Variants in EDIL3 observed in about 807,000 individuals in gnomAD.
EDIL3 encodes the protein EGF-like repeat and discoidin I-like domain-containing protein 3.
A neutral mutation model predicts 67.4 loss-of-function variants in EDIL3; 37 were observed. The observed-to-expected ratio is 0.55, with a 90% CI of 0.42 to 0.72. EDIL3 has a LOEUF of 0.72. EDIL3 is among the 30% of genes least tolerant of loss of function. EDIL3 has a pLI of 0.00. For synonymous variants in EDIL3, 195 were observed against 196.3 expected (o/e 0.99, Z 0.05); for missense variants, 527 against 586.3 (o/e 0.90, Z 1.04).
At chr5:84,070,606 AGTGTGT>A (rs35930293) in intron 6 of EDIL3, among the ~76,000 whole-genome samples, 9,462 of 144,696 alleles carry the variant, frequency 0.065, 611 homozygotes, top group East Asian at 0.37. Context: ...TATGGTTAAG[AGTGTGT>A]GTGTGTGTGT....
chr5:84,232,771 G>A (rs1213327587), intron 2 of EDIL3, among the ~76,000 whole-genome samples: 1 of 152,088 alleles, frequency 6.6e-6, no homozygotes, highest in Admixed American at 6.6e-5. Flanking sequence ...GTTACTATTG[G>A]TAATAATCCA....
chr5:84,009,474 A>G (rs1745481231), intron 9 of EDIL3, among the ~76,000 whole-genome samples: 1 of 152,172 alleles, frequency 6.6e-6, no homozygotes, highest in Non-Finnish European at 1.5e-5. Flanking sequence ...AATAACAAAT[A>G]TGTTTAACAT....
intron 4 of EDIL3, among the ~76,000 whole-genome samples, chr5:84,147,607 G>A (rs1389479925): frequency 6.6e-6 from 1 of 151,930 alleles, no homozygotes; most frequent in East Asian, 1.9e-4. Flanking sequence ...GAGTGGAAAG[G>A]CTTAACACCA....
At chr5:84,190,579 GTATATATATATATA>G (rs138685119) in intron 3 of EDIL3, among the ~76,000 whole-genome samples, 1,598 of 122,044 alleles carry the variant, frequency 0.013, 38 homozygotes, top group East Asian at 0.089. Flanking sequence ...GTGTGTGTGT[GTATATATATATATA>G]TATATATATA....
chr5:84,316,390 G>A (rs968299491), intron 1 of EDIL3, among the ~76,000 whole-genome samples: 4 of 152,028 alleles, frequency 2.6e-5, no homozygotes, highest in Admixed American at 2.6e-4. Flanking sequence ...GACACATATA[G>A]GCTCAAAATT....
At chr5:84,156,146 C>T (rs1212225995) in intron 4 of EDIL3, among the ~76,000 whole-genome samples, 1 of 152,112 alleles carries the variant, frequency 6.6e-6, no homozygotes, top group Non-Finnish European at 1.5e-5. Flanking sequence ...CCAAGTTTTC[C>T]CCTAGTAAAC....
intron 3 of EDIL3, among the ~76,000 whole-genome samples, chr5:84,190,984 T>C (rs1272360405): frequency 6.6e-6 from 1 of 152,010 alleles, no homozygotes; most frequent in Non-Finnish European, 1.5e-5. Flanking sequence ...AATGTCAGCA[T>C]ATAACCCAAA....
intron 1 of EDIL3, among the ~76,000 whole-genome samples, chr5:84,283,497 C>G (rs1204894599): frequency 6.6e-6 from 1 of 152,058 alleles, no homozygotes; most frequent in Non-Finnish European, 1.5e-5. Context: ...CCTTCAGAGG[C>G]CATTTTAAAT....
intron 9 of EDIL3, among the ~76,000 whole-genome samples, chr5:83,974,632 C>A (rs999569850): frequency 1.3e-5 from 2 of 151,958 alleles, no homozygotes; most frequent in African/African-American, 4.8e-5. Flanking sequence ...TCTGGCAGGG[C>A]TATCTAGTTC....
chr5:84,310,941 G>T (rs1746374216), intron 1 of EDIL3, among the ~76,000 whole-genome samples: 1 of 151,682 alleles, frequency 6.6e-6, no homozygotes, highest in Middle Eastern at 3.4e-3. Flanking sequence ...GGTCACTTTT[G>T]CCTGCTCCTG....
At chr5:84,278,301 T>C (rs1056422052) in intron 1 of EDIL3, among the ~76,000 whole-genome samples, 1 of 152,184 alleles carries the variant, frequency 6.6e-6, no homozygotes, top group African/African-American at 2.4e-5. Context: ...CCAAATTACG[T>C]CATCTGTAAC....
intron 1 of EDIL3, among the ~76,000 whole-genome samples, chr5:84,378,592 T>C (rs1339349339): frequency 6.6e-6 from 1 of 152,224 alleles, no homozygotes; most frequent in Admixed American, 6.5e-5. Flanking sequence ...AGCTTTTCTA[T>C]GATACATGAT....
chr5:84,137,184 TACACACACACAC>T (rs70975542), intron 5 of EDIL3, 45 bp downstream of exon 5: 47 of 901,752 alleles, frequency 5.2e-5, no homozygotes, highest in East Asian at 2.9e-4. Flanking sequence ...TGTGTATACA[TACACACACACAC>T]ACACACACAC....
At chr5:84,256,274 A>T (rs1306027203) in intron 1 of EDIL3, among the ~76,000 whole-genome samples, 2 of 152,096 alleles carry the variant, frequency 1.3e-5, no homozygotes, top group African/African-American at 2.4e-5. Context: ...GCAGGCACTG[A>T]GGTAAGTGCT....
chr5:84,089,399 A>C (rs1303504770), intron 6 of EDIL3, among the ~76,000 whole-genome samples: 7 of 152,216 alleles, frequency 4.6e-5, no homozygotes, highest in Non-Finnish European at 7.3e-5. Context: ...AAGCTCTCTT[A>C]GTATTTCATC....
At chr5:84,338,855 T>G (rs918383530) in intron 1 of EDIL3, among the ~76,000 whole-genome samples, 62 of 152,286 alleles carry the variant, frequency 4.1e-4, no homozygotes, top group African/African-American at 1.3e-3. Flanking sequence ...GCCCCCATAC[T>G]TTCAAGGGCC....
intron 1 of EDIL3, among the ~76,000 whole-genome samples, chr5:84,306,228 G>C (rs777548339): frequency 6.6e-5 from 10 of 152,158 alleles, no homozygotes; most frequent in Admixed American, 2.0e-4. Context: ...ATTGGCTTAA[G>C]CTAAGCACTA....
chr5:84,130,529 C>T (rs1747946220), intron 5 of EDIL3, among the ~76,000 whole-genome samples: 1 of 152,096 alleles, frequency 6.6e-6, no homozygotes, highest in South Asian at 2.1e-4. Flanking sequence ...CTAATTTTCA[C>T]TTCCTTATAG....
At chr5:84,172,889 TC>T (rs1748836400) in intron 4 of EDIL3, among the ~76,000 whole-genome samples, 1 of 152,156 alleles carries the variant, frequency 6.6e-6, no homozygotes, top group South Asian at 2.1e-4. Flanking sequence ...CAGTGGTGGC[TC>T]TCCTGTCCAG....
Sources: allele counts gnomAD v4.1 joint callset (sites outside exome capture counted in the v4.1 genomes callset), GRCh38; gene constraint gnomAD v4.1.1; transcripts MANE v1.5; gene names NCBI Gene and HGNC (gene_info 2026-07-23, HGNC 2026-07-21).